The following TNKS variants were observed in gnomAD, a reference collection of about 807,000 sequenced individuals.
The protein encoded by TNKS is tankyrase.
In TNKS, 72 loss-of-function variants were observed where a neutral mutation model predicts 135.8. The observed-to-expected ratio is 0.53, with a 90% confidence interval of 0.44 to 0.64. The LOEUF (loss-of-function observed/expected upper bound fraction) is 0.64, where lower values mean the gene tolerates loss of function less well. TNKS is among the 30% of genes least tolerant of loss of function. TNKS has a pLI of 0.00. For missense variants in TNKS, 1,769 were observed against 1,674.0 expected, an observed-to-expected ratio of 1.06 and a Z score of -0.99; for synonymous variants, 849 against 649.3, an observed-to-expected ratio of 1.31 and a Z score of -4.68.
chr8:9,583,366 T>C (rs1798244598), intron 2 of TNKS, among the ~76,000 whole-genome samples: 1 of 152,174 alleles, frequency 6.6e-6, no homozygotes, highest in South Asian at 2.1e-4. Flanking sequence ...TAATGTTGAA[T>C]TGAATTTACT....
chr8:9,722,970 A>G (rs1585377482), intron 12 of TNKS, among the ~76,000 whole-genome samples: 1 of 152,260 alleles, frequency 6.6e-6, no homozygotes, highest in Non-Finnish European at 1.5e-5. Flanking sequence ...CTGAATACAA[A>G]TGAAATATTT....
chr8:9,649,794 G>T (rs1482396366), intron 3 of TNKS, among the ~76,000 whole-genome samples: 2 of 151,194 alleles, frequency 1.3e-5, no homozygotes, highest in Non-Finnish European at 2.9e-5. Context: ...TGCTACAAAT[G>T]CCATTATTTC....
At chr8:9,598,705 A>ATG (rs376761155) in intron 2 of TNKS, among the ~76,000 whole-genome samples, 2,994 of 108,116 alleles carry the variant, frequency 0.028, 65 homozygotes, top group African/African-American at 0.052. Context: ...TGTCTAAAAT[A>ATG]TGTGTGTGTG....
At chr8:9,613,356 C>T (rs61594550) in intron 2 of TNKS, among the ~76,000 whole-genome samples, 12,601 of 152,176 alleles carry the variant, frequency 0.083, 550 homozygotes, top group South Asian at 0.18. Context: ...CTTTGCTTGT[C>T]ACTTTATGTT....
At chr8:9,571,276 G>C (rs1464528294) in intron 1 of TNKS, among the ~76,000 whole-genome samples, 3 of 152,096 alleles carry the variant, frequency 2.0e-5, no homozygotes, top group Admixed American at 6.5e-5. Context: ...ATATTTAGCA[G>C]TTTCTTAACC....
At chr8:9,742,182 G>T (rs182605734) in intron 17 of TNKS, among the ~76,000 whole-genome samples, 8 of 152,074 alleles carry the variant, frequency 5.3e-5, no homozygotes, top group Admixed American at 3.3e-4. Flanking sequence ...TCATTGTGAG[G>T]GTGGATTGAG....
At chr8:9,620,074 C>G (rs903473548) in intron 3 of TNKS, among the ~76,000 whole-genome samples, 2 of 151,988 alleles carry the variant, frequency 1.3e-5, no homozygotes, top group Non-Finnish European at 2.9e-5. Flanking sequence ...CTCAGCCTGC[C>G]AAGTAGCTGG....
chr8:9,772,843 G>GCGTA lies in TNKS; in HGVS notation c.3897+2581_3897+2582insCGTA, dbSNP rs1205363554. Among the ~76,000 whole-genome samples the GCGTA allele has an allele frequency of 3.0e-4, 42 of 139,804 alleles. 1 individual carries two copies. In the South Asian group the frequency reaches 9.5e-3, roughly 32 times the overall value. 91.7% of individuals were successfully genotyped at this position (139,804 alleles called of 152,430 possible). Reference sequence around the variant, plus strand: ...TGTGTGTGTGTGTCTGTGTGTGTGTGTGTGTGTGTGTGTGTGTAGTGCGTA... The same window carrying GCGTA: ...TGTGTGTGTGTGTCTGTGTGTGTGTGCGTATGTGTGTGTGTGTGTGTAGTGCGTA... On this transcript the variant is annotated intron_variant, in intron 26 of 26. Transcript: ENST00000310430.
rs193228325 is a variant in TNKS at position 9,765,868 on chromosome 8, C to A, written c.3553+71C>A. On this transcript the variant is annotated intron_variant, in intron 24 of 26. Transcript: ENST00000310430. ...AGGAGTCAGTAAAGGGAAAAACCTA[C>A]GTTAAATTGACTATAATACGGTTGT... The A allele has an allele frequency of 7.1e-6, 9 of 1,260,318 alleles. No individual in the cohort carries two copies. The African/African-American group carries it at 1.3e-4, about 19-fold the overall frequency. 78.1% of individuals were successfully genotyped at this position (1,260,318 alleles called of 1,614,324 possible).
intron 12 of TNKS, among the ~76,000 whole-genome samples, chr8:9,725,806 A>C (rs1400054306): frequency 6.6e-6 from 1 of 152,220 alleles, no homozygotes; most frequent in Non-Finnish European, 1.5e-5. Context: ...TGTTTTCTTT[A>C]AAAACTTATT....
intron 3 of TNKS, among the ~76,000 whole-genome samples, chr8:9,616,218 A>C (rs1439333961): frequency 6.6e-6 from 1 of 152,174 alleles, no homozygotes; most frequent in Non-Finnish European, 1.5e-5. Context: ...AGATAATGCA[A>C]ATTTGTGGCT....
chr8:9,761,563 A>G lies in TNKS; in HGVS notation c.3201A>G (p.Glu1067=). The change falls in exon 21 of 27, where the codon GAA becomes GAG. Residue 1067 remains glutamate, a synonymous_variant. Coordinates refer to ENST00000310430, the MANE Select transcript of TNKS (RefSeq NM_003747.3). ...LADMGHEELK[E]IGINAYGHRH... ...ATATGGGTCATGAAGAGTTGAAAGA[A>G]ATAGGCATCAATGCATATGGGCACC... The G allele has an allele frequency of 6.2e-7, 1 of 1,611,870 alleles. No homozygotes were observed. Among genetic ancestry groups the G allele is most frequent in the Non-Finnish European group, 8.5e-7 (1 of 1,179,478 alleles).
intron 3 of TNKS, among the ~76,000 whole-genome samples, chr8:9,655,389 GAGT>G (rs1801315929): frequency 6.6e-6 from 1 of 152,228 alleles, no homozygotes; most frequent in South Asian, 2.1e-4. Context: ...GCTTTGAAGA[GAGT>G]AGTGGTTCTC....
chr8:9,735,225 T>G, intron 16 of TNKS, 141 bp downstream of exon 16: 1 of 1,105,092 alleles, frequency 9.0e-7, no homozygotes, highest in Non-Finnish European at 1.3e-6. Flanking sequence ...GTATAATTTC[T>G]TATTGTGAAG....
intron 3 of TNKS, among the ~76,000 whole-genome samples, chr8:9,641,115 A>G (rs1800711706): frequency 6.9e-6 from 1 of 145,660 alleles, no homozygotes; most frequent in Admixed American, 7.3e-5. Context: ...TAATGCACCC[A>G]ATTTATTCAG....
At chr8:9,604,119 A>G (rs1799129053) in intron 2 of TNKS, among the ~76,000 whole-genome samples, 1 of 152,208 alleles carries the variant, frequency 6.6e-6, no homozygotes, top group African/African-American at 2.4e-5. Context: ...GGCTAATCAG[A>G]CATAGATTAT....
chr8:9,686,062 C>T (rs1189867205), intron 5 of TNKS, among the ~76,000 whole-genome samples: 1 of 152,170 alleles, frequency 6.6e-6, no homozygotes, highest in Non-Finnish European at 1.5e-5. Flanking sequence ...ATGCCCTTGT[C>T]TAGCCCCCTG....
intron 24 of TNKS, 77 bp downstream of exon 24, chr8:9,765,874 A>G (rs1190892578): frequency 4.3e-6 from 5 of 1,174,860 alleles, no homozygotes; most frequent in Non-Finnish European, 6.3e-6. Context: ...CCTACGTTAA[A>G]TTGACTATAA....
At chr8:9,773,837 A>T (rs1165016822) in intron 26 of TNKS, among the ~76,000 whole-genome samples, 1 of 152,162 alleles carries the variant, frequency 6.6e-6, no homozygotes, top group Non-Finnish European at 1.5e-5. Flanking sequence ...TGTTAACTCT[A>T]GCGTCTGCTA....
Sources: allele counts gnomAD v4.1 joint callset (sites outside exome capture counted in the v4.1 genomes callset), GRCh38; gene constraint gnomAD v4.1.1; transcripts MANE v1.5; gene names NCBI Gene and HGNC (gene_info 2026-07-23, HGNC 2026-07-21).